Variants in L3MBTL3 observed in about 807,000 individuals in gnomAD.
The protein encoded by L3MBTL3 is L3MBTL histone methyl-lysine binding protein 3.
L3MBTL3 carries 27 observed loss-of-function variants against 102.3 expected under a neutral mutation model. The ratio of observed to expected loss-of-function variants is 0.26; its 90% CI spans 0.19 to 0.36. The LOEUF (loss-of-function observed/expected upper bound fraction) is 0.36, where lower values mean the gene tolerates loss of function less well. Among genes scored for constraint, L3MBTL3 ranks in the 10% least tolerant of loss-of-function variants. The pLI, the probability that L3MBTL3 is intolerant of heterozygous loss-of-function variation, is 1.00. For synonymous variants in L3MBTL3, 340 were observed against 320.9 expected (o/e 1.06, Z -0.64); for missense variants, 798 against 955.3 (o/e 0.84, Z 2.17).
chr6:130,125,828 C>T (rs753316405), intron 20 of L3MBTL3, among the ~76,000 whole-genome samples: 37 of 152,116 alleles, frequency 2.4e-4, no homozygotes, highest in Non-Finnish European at 5.0e-4. Context: ...TTTACAATGT[C>T]AAGAGGATTT....
intron 20 of L3MBTL3, among the ~76,000 whole-genome samples, chr6:130,124,934 C>A (rs1453629165): frequency 6.6e-6 from 1 of 151,624 alleles, no homozygotes; most frequent in Admixed American, 6.6e-5. Flanking sequence ...CATGCCATTG[C>A]ACTCCAGCCT....
At chr6:130,056,386 C>A (rs1218332125) in intron 8 of L3MBTL3, among the ~76,000 whole-genome samples, 1 of 152,178 alleles carries the variant, frequency 6.6e-6, no homozygotes, top group African/African-American at 2.4e-5. Flanking sequence ...GGATGTCCCC[C>A]ACAAGGCTCT....
At chr6:130,072,199 ATTAT>A (rs999948245) in intron 13 of L3MBTL3, among the ~76,000 whole-genome samples, 2 of 152,246 alleles carry the variant, frequency 1.3e-5, no homozygotes, top group East Asian at 1.9e-4. Context: ...CAGTATAACA[ATTAT>A]TTACGTAGTA....
At chr6:130,038,055 C>G (rs1438612723) in intron 2 of L3MBTL3, among the ~76,000 whole-genome samples, 1 of 151,970 alleles carries the variant, frequency 6.6e-6, no homozygotes, top group Non-Finnish European at 1.5e-5. Flanking sequence ...CCTTCTTTTA[C>G]TTAACATAAT....
At chr6:130,035,111 TTAAA>T (rs1311106403) in intron 2 of L3MBTL3, among the ~76,000 whole-genome samples, 46 of 152,290 alleles carry the variant, frequency 3.0e-4, no homozygotes, top group African/African-American at 1.1e-3. Flanking sequence ...ATATACACTT[TTAAA>T]TAAACATGAA....
chr6:130,133,389 A>C lies in L3MBTL3; in HGVS notation c.1967-63A>C. Reference sequence around the variant, plus strand: ...TCCAGTCTCGTTATCTGGGAGATGCACGGCATTTGGGGCTTTCTTGCTGCT... The same window carrying C: ...TCCAGTCTCGTTATCTGGGAGATGCCCGGCATTTGGGGCTTTCTTGCTGCT... On this transcript the variant is annotated intron_variant, in intron 20 of 22. Transcript: ENST00000361794. This position sits in a 1 kb window ranked among gnomAD's most constrained non-coding sequence, Gnocchi z 4.9. 3.3e-6 allele frequency: 5 copies of C among 1,528,306 alleles called. No individual in the cohort carries two copies. Among genetic ancestry groups the C allele is most frequent in the Non-Finnish European group, 4.5e-6 (5 of 1,110,558 alleles). The allele number at this position is 1,528,306 out of a possible 1,614,324, so 94.7% of individuals were successfully genotyped here. A position where few individuals can be genotyped will look rare whatever the true frequency, so the allele number is the denominator to read the frequency against.
chr6:130,087,576 T>C (rs1783770192), intron 16 of L3MBTL3, among the ~76,000 whole-genome samples: 1 of 152,148 alleles, frequency 6.6e-6, no homozygotes, highest in African/African-American at 2.4e-5. Flanking sequence ...AGTTTGGCAA[T>C]AGGTTAACAA....
chr6:130,102,961 CTTT>C (rs1784790777), intron 18 of L3MBTL3, among the ~76,000 whole-genome samples: 1 of 152,152 alleles, frequency 6.6e-6, no homozygotes, highest in African/African-American at 2.4e-5. Context: ...GCTTTCTTGT[CTTT>C]TTATTGTCCA....
intron 1 of L3MBTL3, among the ~76,000 whole-genome samples, chr6:130,019,955 C>T (rs1778846997): frequency 1.8e-5 from 2 of 113,480 alleles, no homozygotes; most frequent in South Asian, 6.3e-4. Flanking sequence ...GGTGCGGGCG[C>T]GGGCGCGGGC....
chr6:130,125,902 A>G (rs1230729613), intron 20 of L3MBTL3, among the ~76,000 whole-genome samples: 4 of 152,100 alleles, frequency 2.6e-5, no homozygotes, highest in Admixed American at 2.6e-4. Flanking sequence ...AAAGACACGC[A>G]TGCACACACA....
intron 2 of L3MBTL3, among the ~76,000 whole-genome samples, chr6:130,032,022 A>G (rs1779755761): frequency 6.6e-6 from 1 of 152,016 alleles, no homozygotes; most frequent in African/African-American, 2.4e-5. Context: ...AAGCGATCCC[A>G]CCTGCTCCGC....
At chr6:130,124,635 T>C (rs1786470897) in intron 20 of L3MBTL3, among the ~76,000 whole-genome samples, 1 of 152,206 alleles carries the variant, frequency 6.6e-6, no homozygotes, top group Non-Finnish European at 1.5e-5. Context: ...TTGAAGGTAA[T>C]ACCTATTCTT....
chr6:130,130,517 C>G (rs1786936700), intron 20 of L3MBTL3, among the ~76,000 whole-genome samples: 2 of 152,090 alleles, frequency 1.3e-5, no homozygotes, highest in African/African-American at 4.8e-5. Context: ...AATAGCTAAG[C>G]TCTTTAGAAT....
chr6:130,088,906 G>A (rs1562300289), intron 16 of L3MBTL3, among the ~76,000 whole-genome samples: 2 of 151,968 alleles, frequency 1.3e-5, no homozygotes, highest in Non-Finnish European at 1.5e-5. Context: ...CTCATTCACT[G>A]TTGAGCAAAG....
intron 18 of L3MBTL3, among the ~76,000 whole-genome samples, chr6:130,100,045 G>A (rs1784589302): frequency 6.6e-6 from 1 of 152,162 alleles, no homozygotes; most frequent in South Asian, 2.1e-4. Context: ...CACCCATATA[G>A]TATAGTGGTT....
chr6:130,066,298 A>ATATATATATATATATATC (rs1457703627), intron 10 of L3MBTL3, 55 bp from the exon 11 acceptor site: 1 of 672,928 alleles, frequency 1.5e-6, no homozygotes, highest in Non-Finnish European at 2.3e-6. Flanking sequence ...ATATATATAT[A>ATATATATATATATATATC]TATATGAATA....
chr6:130,066,321 A>C (rs980517915), intron 10 of L3MBTL3, 32 bp from the exon 11 acceptor site: 4 of 1,155,090 alleles, frequency 3.5e-6, no homozygotes, highest in Middle Eastern at 2.3e-4. Flanking sequence ...CTGAGTTAAA[A>C]AAAATAATTC....
intron 2 of L3MBTL3, among the ~76,000 whole-genome samples, chr6:130,030,626 C>A (rs1779654082): frequency 6.7e-6 from 1 of 148,260 alleles, no homozygotes; most frequent in Non-Finnish European, 1.5e-5. Flanking sequence ...GAAATCTTGC[C>A]CCTGCATTCT....
intron 11 of L3MBTL3, among the ~76,000 whole-genome samples, chr6:130,067,937 GTTCC>G (rs1782373636): frequency 6.6e-6 from 1 of 151,980 alleles, no homozygotes; most frequent in East Asian, 1.9e-4. Flanking sequence ...CTTTCCACTT[GTTCC>G]TATAAGTTAG....
Sources: allele counts gnomAD v4.1 joint callset (sites outside exome capture counted in the v4.1 genomes callset), GRCh38; gene constraint gnomAD v4.1.1; non-coding constraint Gnocchi (gnomAD v3.1); transcripts MANE v1.5; gene names NCBI Gene and HGNC (gene_info 2026-07-23, HGNC 2026-07-21).